PLXNA4: variants seen among roughly 807,000 people sequenced by gnomAD.
PLXNA4 encodes plexin-A4.
Under a neutral mutation model 191.8 loss-of-function variants are expected in PLXNA4, and 44 were observed. The ratio of observed to expected loss-of-function variants is 0.23; its 90% confidence interval spans 0.18 to 0.29. PLXNA4 has a LOEUF of 0.29. Ranked by LOEUF, PLXNA4 falls within the 10% of genes least tolerant of loss-of-function variation. The pLI is 1.00. For missense variants in PLXNA4, 1,800 were observed against 2,488.8 expected, an observed-to-expected ratio of 0.72 and a Z score of 5.89; for synonymous variants, 1,082 against 1,009.5, an observed-to-expected ratio of 1.07 and a Z score of -1.36.
chr7:132,557,055 AG>A (rs1340657787), intron 1 of PLXNA4, among the ~76,000 whole-genome samples: 1 of 152,208 alleles, frequency 6.6e-6, no homozygotes, highest in African/African-American at 2.4e-5. Context: ...ACATATAATG[AG>A]GGTGGGAGAA....
chr7:132,395,726 G>A lies in PLXNA4; in HGVS notation c.1371+93566C>T, dbSNP rs1024922504. 7.2e-5 allele frequency among the ~76,000 whole-genome samples: 11 copies of A among 152,266 alleles called. No homozygotes were observed. In the South Asian group the frequency reaches 1.0e-3, roughly 14 times the overall value. Reference sequence around the variant, plus strand: ...AGAGTATTACTTGATTTTCTTTGCCGCCCAGAAAAAGCAAGAAGTCCAGAT... The same window carrying A: ...AGAGTATTACTTGATTTTCTTTGCCACCCAGAAAAAGCAAGAAGTCCAGAT... On this transcript the variant is annotated intron_variant, in intron 3 of 31. Coordinates refer to ENST00000321063, the MANE Select transcript of PLXNA4 (RefSeq NM_020911.2).
upstream of PLXNA4, among the ~76,000 whole-genome samples, chr7:132,582,237 G>A (rs146579931): frequency 5.9e-5 from 9 of 152,280 alleles, 1 homozygote; most frequent in East Asian, 1.7e-3. Context: ...CTCTGACTGG[G>A]GTGCACATAA....
intron 4 of PLXNA4, chr7:132,266,316 T>C (rs1010245409): frequency 2.0e-5 from 3 of 152,206 alleles, no homozygotes; most frequent in Admixed American, 2.0e-4. Context: ...TTTAAAACAT[T>C]ACTGTGAAGT....
chr7:132,450,650 A>C (rs543497135), intron 3 of PLXNA4, among the ~76,000 whole-genome samples: 2 of 152,232 alleles, frequency 1.3e-5, no homozygotes, highest in Admixed American at 1.3e-4. Flanking sequence ...CAACGGTGGC[A>C]TCACTCCAGA....
chr7:132,555,566 C>T (rs1429815309), intron 1 of PLXNA4, among the ~76,000 whole-genome samples: 2 of 152,186 alleles, frequency 1.3e-5, no homozygotes, highest in African/African-American at 2.4e-5. Context: ...AGTGTGCAAG[C>T]TATTTCCCAC....
chr7:132,600,804 A>C (rs1802803503), intron 2 of PLXNA4, among the ~76,000 whole-genome samples: 2 of 152,178 alleles, frequency 1.3e-5, no homozygotes, highest in East Asian at 3.9e-4. Context: ...TTTAAATTTC[A>C]TATTTTATTA....
At chr7:132,274,363 G>A (rs1313271178) in intron 4 of PLXNA4, among the ~76,000 whole-genome samples, 2 of 151,934 alleles carry the variant, frequency 1.3e-5, no homozygotes, top group South Asian at 2.1e-4. Context: ...AGTAGAAAGA[G>A]CTTCTATATC....
intron 3 of PLXNA4, among the ~76,000 whole-genome samples, chr7:132,303,939 C>T (rs1433020549): frequency 6.6e-6 from 1 of 152,178 alleles, no homozygotes; most frequent in Non-Finnish European, 1.5e-5. Context: ...AGCCCAGCTC[C>T]AGGCGAGGCT....
chr7:132,459,298 T>A (rs2117347778), intron 3 of PLXNA4, among the ~76,000 whole-genome samples: 1 of 152,306 alleles, frequency 6.6e-6, no homozygotes, highest in Non-Finnish European at 1.5e-5. Flanking sequence ...CAGTAATAGT[T>A]ATCACTGCTA....
In PLXNA4 at chr7:132,132,471, TGCTCTGC is replaced by T. The variant is rs1563048402; in HGVS notation, c.5589+571_5589+577del. Among the ~76,000 whole-genome samples the T allele has an allele frequency of 1.7e-4, 10 of 58,012 alleles. 1 individual carries two copies. The highest frequency in any genetic ancestry group is 7.5e-4 in the African/African-American group (10 of 13,250). The allele number at this position is 58,012 out of a possible 152,430, so 38.1% of individuals were successfully genotyped here. A position where few individuals can be genotyped will look rare whatever the true frequency, so the allele number is the denominator to read the frequency against. On this transcript the variant is annotated intron_variant, in intron 31 of 31. Coordinates refer to ENST00000321063, the MANE Select transcript of PLXNA4 (RefSeq NM_020911.2). ...TGTTCTGTTCTGTTCTGTTCTGCTCTGCTCTGCTCTGCTCTGCTCTATTCTTTTCTAT... is the reference window on the plus strand; with the variant it reads ...TGTTCTGTTCTGTTCTGTTCTGCTCTTCTGCTCTGCTCTATTCTTTTCTAT...
rs1470078376 is a variant in PLXNA4 at position 132,146,711 on chromosome 7, A to G, written c.4865-11T>C. Reference sequence around the variant, plus strand: ...ACCGGATCATGTTTTCTGCCAAGGCAAGGATCACCCCCCGACATATGTGAG... The same window carrying G: ...ACCGGATCATGTTTTCTGCCAAGGCGAGGATCACCCCCCGACATATGTGAG... On this transcript the variant is annotated splice_polypyrimidine_tract_variant and intron_variant, in intron 27 of 31. Coordinates refer to ENST00000321063, the MANE Select transcript of PLXNA4 (RefSeq NM_020911.2). 1.2e-6 allele frequency: 2 copies of G among 1,613,714 alleles called. No individual in the cohort carries two copies. The highest frequency in any genetic ancestry group is 1.7e-6 in the Non-Finnish European group (2 of 1,179,708).
intron 30 of PLXNA4, among the ~76,000 whole-genome samples, chr7:132,134,792 C>T (rs571099847): frequency 9.2e-5 from 14 of 152,174 alleles, no homozygotes; most frequent in Non-Finnish European, 1.9e-4. Context: ...TCCTTCACAT[C>T]TTCTTCCATT....
intron 3 of PLXNA4, among the ~76,000 whole-genome samples, chr7:132,347,456 T>C (rs1033114960): frequency 6.6e-6 from 1 of 152,150 alleles, no homozygotes; most frequent in Non-Finnish European, 1.5e-5. Context: ...TTGCAGCTGA[T>C]GTGGGATGGG....
At chr7:132,291,791 G>A (rs1240721420) in intron 4 of PLXNA4, among the ~76,000 whole-genome samples, 5 of 152,110 alleles carry the variant, frequency 3.3e-5, no homozygotes, top group Admixed American at 3.3e-4. Flanking sequence ...CCCAAGGAGA[G>A]TTTATTTATT....
upstream of PLXNA4, among the ~76,000 whole-genome samples, chr7:132,581,479 C>A (rs536246850): frequency 7.2e-5 from 11 of 152,328 alleles, 1 homozygote; most frequent in South Asian, 2.3e-3. Flanking sequence ...TGTCAGAGAC[C>A]GCCACTGGTG....
intron 1 of PLXNA4, among the ~76,000 whole-genome samples, chr7:132,518,558 A>T (rs778502606): frequency 1.3e-5 from 2 of 152,158 alleles, no homozygotes; most frequent in Non-Finnish European, 2.9e-5. Context: ...GGGAAGAGGG[A>T]GCGATGGAGG....
chr7:132,332,598 C>G (rs1802633036), intron 3 of PLXNA4, among the ~76,000 whole-genome samples: 1 of 151,940 alleles, frequency 6.6e-6, no homozygotes. Context: ...CCTATAATCT[C>G]AGCATTTTGG....
At chr7:132,339,227 G>C (rs16874176) in intron 3 of PLXNA4, among the ~76,000 whole-genome samples, 5,167 of 152,228 alleles carry the variant, frequency 0.034, 297 homozygotes, top group African/African-American at 0.12. Flanking sequence ...CAGAACCTTT[G>C]AGCCAGGCTA....
intron 3 of PLXNA4, among the ~76,000 whole-genome samples, chr7:132,389,553 G>T (rs1439256631): frequency 2.0e-5 from 3 of 152,118 alleles, no homozygotes; most frequent in Non-Finnish European, 4.4e-5. Flanking sequence ...GTTTTTGTCA[G>T]GTTTGTCAAA....
Sources: gnomAD v4.1 joint callset for allele counts (sites outside exome capture counted in the v4.1 genomes callset) on GRCh38, gnomAD v4.1.1 for gene constraint, MANE v1.5 for transcripts, NCBI Gene and HGNC (gene_info 2026-07-23, HGNC 2026-07-21) for gene names.